The following PCYT1B variants were observed in gnomAD, a reference collection of about 807,000 sequenced individuals.
The protein encoded by PCYT1B is phosphate cytidylyltransferase 1B, choline.
PCYT1B carries 10 observed loss-of-function variants against 26.4 expected under a neutral mutation model. The ratio of observed to expected loss-of-function variants is 0.38; its 90% CI spans 0.23 to 0.64. The LOEUF (loss-of-function observed/expected upper bound fraction) is 0.64. Among genes scored for constraint, PCYT1B ranks in the 30% least tolerant of loss-of-function variants. The probability of loss-of-function intolerance (pLI) is 0.56; values close to 1 mark genes in which losing one functional copy is unlikely to be tolerated. For missense variants in PCYT1B, 161 were observed against 292.7 expected, an observed-to-expected ratio of 0.55 and a Z score of 3.28; for synonymous variants, 131 against 108.4, an observed-to-expected ratio of 1.21 and a Z score of -1.29.
At chrX:24,607,572 A>G (rs193008401) in intron 3 of PCYT1B, among the ~76,000 whole-genome samples, 173 bp downstream of exon 3, 173 of 112,057 alleles carry the variant, frequency 1.5e-3, no homozygotes, top group African/African-American at 5.0e-3. Flanking sequence ...AACTTCCCCT[A>G]TGGTTTTTCA....
intron 1 of PCYT1B, among the ~76,000 whole-genome samples, chrX:24,667,695 C>T (rs1459963092): frequency 9.2e-6 from 1 of 108,395 alleles, no homozygotes; most frequent in African/African-American, 3.4e-5. Flanking sequence ...CCAGCCTGAG[C>T]AACATAGTGA....
intron 3 of PCYT1B, among the ~76,000 whole-genome samples, chrX:24,590,754 G>T (rs776542028): frequency 9.2e-6 from 1 of 108,308 alleles, no homozygotes; most frequent in African/African-American, 3.4e-5. Context: ...TAAAATCAAA[G>T]GTTTGATCTA....
Position 24,558,526 on chromosome X carries a change from G to T in PCYT1B, c.*3767C>A, listed in dbSNP as rs1231687826. 1 of 108,960 alleles carries T rather than the reference G, an allele frequency of 9.2e-6. No homozygotes were observed. The highest frequency in any genetic ancestry group is 1.9e-5 in the Non-Finnish European group (1 of 52,619). The allele number at this position is 108,960 out of a possible 1,213,427, so 9.0% of individuals were successfully genotyped here. On this transcript the variant is annotated 3_prime_UTR_variant, in exon 8 of 8. Coordinates refer to ENST00000379144, the MANE Select transcript of PCYT1B (RefSeq NM_004845.5). ...TCAGCTGAGCCAGTGACACCGTCTC[G>T]CATCTCTCCCTGGGGTATGACTAGA... is the stretch of plus-strand genomic sequence containing the variant.
At chrX:24,656,293 T>C (rs1926913265) in intron 1 of PCYT1B, among the ~76,000 whole-genome samples, 1 of 107,569 alleles carries the variant, frequency 9.3e-6, no homozygotes, top group East Asian at 2.9e-4. Context: ...AAATTGATTT[T>C]CTTCTTTTTC....
chrX:24,593,372 T>C (rs917554190), intron 3 of PCYT1B, among the ~76,000 whole-genome samples: 5 of 109,261 alleles, frequency 4.6e-5, no homozygotes, highest in Non-Finnish European at 3.8e-5. Context: ...TTTCGTTTCT[T>C]TCTTTCTCTC....
At chrX:24,612,553 T>A (rs771593434) in intron 2 of PCYT1B, among the ~76,000 whole-genome samples, 5 of 111,835 alleles carry the variant, frequency 4.5e-5, no homozygotes, top group African/African-American at 6.5e-5. Flanking sequence ...ATAACATTAG[T>A]CATTAGGGAA....
chrX:24,671,574 C>G (rs1018790744), intron 1 of PCYT1B, among the ~76,000 whole-genome samples: 11 of 111,141 alleles, frequency 9.9e-5, no homozygotes, highest in Admixed American at 2.9e-4. Flanking sequence ...CTTAAACCAG[C>G]CACCCATATC....
chrX:24,618,711 G>T (rs558913649), intron 2 of PCYT1B, among the ~76,000 whole-genome samples: 2 of 108,639 alleles, frequency 1.8e-5, no homozygotes, highest in Non-Finnish European at 3.8e-5. Context: ...TCCACCTCCC[G>T]GGTTCAAGCA....
chrX:24,642,385 C>T (rs767543421), intron 1 of PCYT1B, among the ~76,000 whole-genome samples: 1 of 112,577 alleles, frequency 8.9e-6, no homozygotes, highest in South Asian at 3.7e-4. Flanking sequence ...ATCTTCCTCA[C>T]TGCCTGATTG....
chrX:24,631,202 G>A (rs972640831), intron 1 of PCYT1B, among the ~76,000 whole-genome samples: 2 of 111,864 alleles, frequency 1.8e-5, no homozygotes, highest in African/African-American at 6.5e-5. Flanking sequence ...GATTACACGC[G>A]TGAGCCACCG....
At chrX:24,588,276 G>C (rs1036113697) in intron 4 of PCYT1B, among the ~76,000 whole-genome samples, 9 of 111,432 alleles carry the variant, frequency 8.1e-5, no homozygotes, top group Non-Finnish European at 1.3e-4. Context: ...ACACCAACTT[G>C]TATCTGGCCT....
intron 1 of PCYT1B, 44 bp downstream of exon 1, chrX:24,646,945 A>G: frequency 9.2e-7 from 1 of 1,082,815 alleles, no homozygotes; most frequent in Non-Finnish European, 1.3e-6. Context: ...GAACTCTTTT[A>G]TGCCATAGCC....
rs185630503 is a variant in PCYT1B at position 24,630,257 on chromosome X, G to A, written c.118-11173C>T. On this transcript the variant is annotated intron_variant, in intron 1 of 7. Transcript: ENST00000379144. ...TTAAAATAATAGTTGCAAGATCTGGGGTGAGGAGGAGAAATATGTTTTTTG... is the reference window on the plus strand; with the variant it reads ...TTAAAATAATAGTTGCAAGATCTGGAGTGAGGAGGAGAAATATGTTTTTTG... Among the ~76,000 whole-genome samples, 498 of 111,643 alleles carry A rather than the reference G, an allele frequency of 4.5e-3. 1 individual carries two copies. The highest frequency in any genetic ancestry group is 0.014 in the Middle Eastern group (3 of 217).
chrX:24,610,509 A>G (rs1382929142), intron 2 of PCYT1B, among the ~76,000 whole-genome samples: 1 of 112,042 alleles, frequency 8.9e-6, no homozygotes, highest in East Asian at 2.8e-4. Context: ...TGTGAATTCA[A>G]TTGAGGAAAA....
chrX:24,648,908 G>A (rs1031742323), upstream of PCYT1B, among the ~76,000 whole-genome samples: 10 of 111,515 alleles, frequency 9.0e-5, no homozygotes, highest in African/African-American at 3.3e-4. Flanking sequence ...GAATTAGAAC[G>A]TGCTATGCTA....
At chrX:24,628,620 A>G (rs1160294510) in intron 1 of PCYT1B, among the ~76,000 whole-genome samples, 1 of 111,071 alleles carries the variant, frequency 9.0e-6, no homozygotes, top group Non-Finnish European at 1.9e-5. Context: ...TATGACATAT[A>G]TACATATTAA....
chrX:24,610,186 A>G (rs1436299607), intron 2 of PCYT1B, among the ~76,000 whole-genome samples: 1 of 111,807 alleles, frequency 8.9e-6, no homozygotes, highest in Non-Finnish European at 1.9e-5. Flanking sequence ...ATGATCTTTA[A>G]GACTTAGATT....
intron 2 of PCYT1B, among the ~76,000 whole-genome samples, chrX:24,617,723 C>T: frequency 9.0e-6 from 1 of 111,228 alleles, no homozygotes; most frequent in Non-Finnish European, 1.9e-5. Flanking sequence ...GCTGGGATTA[C>T]AGGCATGAGC....
chrX:24,632,111 A>C (rs1926114585), intron 1 of PCYT1B: 1 of 112,091 alleles, frequency 8.9e-6, no homozygotes, highest in African/African-American at 3.2e-5. Flanking sequence ...TGTTTTTATT[A>C]GTCTTTCTTA....
Sources: allele counts gnomAD v4.1 joint callset (sites outside exome capture counted in the v4.1 genomes callset), GRCh38; gene constraint gnomAD v4.1.1; transcripts MANE v1.5; gene names NCBI Gene and HGNC (gene_info 2026-07-23, HGNC 2026-07-21).